Variants in ASAH1 observed in about 807,000 individuals in gnomAD.
ASAH1 encodes the protein acid ceramidase.
Under a neutral mutation model 59.5 loss-of-function variants are expected in ASAH1, and 70 were observed. That is an observed-to-expected ratio of 1.18 (90% CI 0.97 to 1.43). The LOEUF is 1.43. ASAH1 is among the 40% of genes most tolerant of loss of function. ASAH1 has a pLI of 0.00. For missense variants in ASAH1, 660 were observed against 482.5 expected (o/e 1.37, Z -3.45); for synonymous variants, 213 against 166.5 (o/e 1.28, Z -2.15).
upstream of ASAH1, chr8:18,084,284 T>C: frequency 2.8e-6 from 4 of 1,437,640 alleles, no homozygotes; most frequent in East Asian, 2.5e-5. Flanking sequence ...CCTTCCAGGC[T>C]ACCTGCAGAA....
intron 1 of ASAH1, chr8:18,083,767 A>G (rs1176483000): frequency 2.2e-6 from 2 of 920,570 alleles, no homozygotes; most frequent in Non-Finnish European, 3.2e-6. Context: ...TTTCCTTTAA[A>G]GGAGTTCTAG....
Position 18,059,658 on chromosome 8 carries a change from G to C in ASAH1, c.831C>G (p.Ala277=), listed in dbSNP as rs1799611253. The change falls in exon 11 of 14, where the codon GCC becomes GCG. Residue 277 remains alanine (A), a synonymous_variant. Coordinates refer to ENST00000637790, the MANE Select transcript of ASAH1 (RefSeq NM_177924.5). The part of the protein sequence containing the change: ...KNLLTKTKIL[A]PAYFILGGNQ... ...TGCCTCCCAGGATAAAGTAGGCTGG[G>C]GCCAATATCTTGGTCTTGGTCAATA... The C allele has an allele frequency of 6.2e-7, 1 of 1,613,738 alleles. No individual in the cohort carries two copies. Among genetic ancestry groups the C allele is most frequent in the South Asian group, 1.1e-5 (1 of 91,072 alleles).
chr8:18,064,299 C>G, intron 6 of ASAH1, 158 bp downstream of exon 6: 1 of 665,702 alleles, frequency 1.5e-6, no homozygotes, highest in Non-Finnish European at 2.6e-6. Context: ...GGAAAATTTT[C>G]AGTACAATCA....
intron 1 of ASAH1, 84 bp from the exon 2 acceptor site, chr8:18,075,671 A>C (rs1478000454): frequency 7.9e-7 from 1 of 1,265,012 alleles, no homozygotes; most frequent in Admixed American, 1.7e-5. Context: ...TTAATCTGTG[A>C]AGACAACATC....
intron 1 of ASAH1, among the ~76,000 whole-genome samples, chr8:18,077,095 T>A (rs1041687211): frequency 6.6e-6 from 1 of 152,228 alleles, no homozygotes; most frequent in African/African-American, 2.4e-5. Flanking sequence ...ACTTTACAGC[T>A]AGCAAGCTAT....
At chr8:18,068,384 C>T (rs576276407) in intron 4 of ASAH1, 2 of 152,450 alleles carry the variant, frequency 1.3e-5, no homozygotes, top group Admixed American at 6.5e-5. Context: ...GGGGCCTCAT[C>T]CTCTTTTGCT....
At chr8:18,079,875 A>G (rs968134797) in intron 1 of ASAH1, among the ~76,000 whole-genome samples, 3 of 152,248 alleles carry the variant, frequency 2.0e-5, no homozygotes, top group Non-Finnish European at 2.9e-5. Context: ...CATGAGCTTG[A>G]AAATGTTTTC....
At chr8:18,069,915 T>C in intron 3 of ASAH1, 37 bp from the exon 4 acceptor site, 1 of 1,419,870 alleles carries the variant, frequency 7.0e-7, no homozygotes, top group Non-Finnish European at 9.9e-7. Context: ...AAAGACATAA[T>C]GAAATGCTGT....
chr8:18,062,973 A>C (rs1025820739), intron 7 of ASAH1: 4 of 532,932 alleles, frequency 7.5e-6, no homozygotes, highest in Admixed American at 6.1e-5. Flanking sequence ...CAGGTTCAAA[A>C]AAGTCTCTGC....
chr8:18,068,864 A>G lies in ASAH1; in HGVS notation c.303+928T>C, dbSNP rs115806981. On this transcript the variant is annotated intron_variant, in intron 4 of 13. Transcript: ENST00000637790. Reference sequence around the variant, plus strand: ...ACCCAGGCCGGGCATGGCGGTTCACACCTACGATCCCAACACTTTGGGAGA... The same window carrying G: ...ACCCAGGCCGGGCATGGCGGTTCACGCCTACGATCCCAACACTTTGGGAGA... 6.3e-3 allele frequency among the ~76,000 whole-genome samples: 960 copies of G among 152,272 alleles called. 8 individuals are homozygous for G. Among genetic ancestry groups the G allele is most frequent in the African/African-American group, 0.02 (843 of 41,558 alleles).
At chr8:18,075,056 T>C (rs538052603) in intron 2 of ASAH1, among the ~76,000 whole-genome samples, 3,400 of 132,224 alleles carry the variant, frequency 0.026, 144 homozygotes, top group African/African-American at 0.051. Context: ...AGTGCAGTGG[T>C]GCGATCTCGG....
chr8:18,058,758 A>G, intron 13 of ASAH1, 77 bp downstream of exon 13: 1 of 1,308,930 alleles, frequency 7.6e-7, no homozygotes, highest in Non-Finnish European at 1.1e-6. Flanking sequence ...AAACTGATCA[A>G]AGATAACAGA....
chr8:18,065,318 G>C (rs900382218), intron 5 of ASAH1: 5 of 152,004 alleles, frequency 3.3e-5, no homozygotes, highest in Non-Finnish European at 7.4e-5. Context: ...AAAGGAATTA[G>C]ACTTGCTTTC....
At chr8:18,062,046 C>G (rs912215587) in intron 8 of ASAH1, 1 of 634,296 alleles carries the variant, frequency 1.6e-6, no homozygotes, top group South Asian at 2.0e-5. Context: ...TGACTCCCAG[C>G]CCTTGACACC....
intron 12 of ASAH1, 152 bp downstream of exon 12, chr8:18,059,189 G>T: frequency 7.8e-7 from 1 of 1,284,444 alleles, no homozygotes; most frequent in Non-Finnish European, 1.1e-6. Context: ...TTTAAGTTAA[G>T]AAAACGAAAC....
chr8:18,064,307 TCA>T, intron 6 of ASAH1, 148 bp downstream of exon 6: 1 of 691,246 alleles, frequency 1.4e-6, no homozygotes, highest in East Asian at 2.7e-5. Context: ...TTCAGTACAA[TCA>T]CAAAATTTTA....
chr8:18,071,487 A>T lies in ASAH1; in HGVS notation c.126-97T>A, dbSNP rs773855694. The T allele has an allele frequency of 4.5e-6, 4 of 883,568 alleles. No homozygotes were observed. In the Admixed American group the frequency reaches 8.2e-5, roughly 18 times the overall value. The allele number at this position is 883,568 out of a possible 1,614,324, so 54.7% of individuals were successfully genotyped here. On this transcript the variant is annotated intron_variant, in intron 2 of 13. Transcript: ENST00000637790. The stretch of plus-strand genomic sequence containing the variant: ...AGAATATATGAGAGGCAAAGTCTTA[A>T]CAGCAGTGTAGAATTTGGTTACCCA...
intron 1 of ASAH1, among the ~76,000 whole-genome samples, chr8:18,077,980 T>C (rs900439761): frequency 6.6e-6 from 1 of 152,188 alleles, no homozygotes; most frequent in South Asian, 2.1e-4. Flanking sequence ...CATTAGTGAC[T>C]TGTAGAAAGT....
intron 5 of ASAH1, 107 bp downstream of exon 5, chr8:18,067,103 ACCTGTGCTGT>A: frequency 8.6e-7 from 1 of 1,158,364 alleles, no homozygotes; most frequent in Non-Finnish European, 1.2e-6. Flanking sequence ...AGACCTGTGC[ACCTGTGCTGT>A]ATATCTAAGA....
Sources: gnomAD v4.1 joint callset for allele counts (sites outside exome capture counted in the v4.1 genomes callset) on GRCh38, gnomAD v4.1.1 for gene constraint, MANE v1.5 for transcripts, NCBI Gene and HGNC (gene_info 2026-07-23, HGNC 2026-07-21) for gene names.